The following RALGPS1 variants were observed in gnomAD, a reference collection of about 807,000 sequenced individuals.
RALGPS1 encodes ras-specific guanine nucleotide-releasing factor RalGPS1.
Under a neutral mutation model 78.8 loss-of-function variants are expected in RALGPS1, and 19 were observed. That is an observed-to-expected ratio of 0.24 (90% CI 0.17 to 0.35). The LOEUF (loss-of-function observed/expected upper bound fraction) is 0.35. Ranked by LOEUF, RALGPS1 falls within the 10% of genes least tolerant of loss-of-function variation. The pLI, the probability that RALGPS1 is intolerant of heterozygous loss-of-function variation, is 1.00. For missense variants in RALGPS1, 454 were observed against 688.3 expected (o/e 0.66, Z 3.81); for synonymous variants, 228 against 256.3 (o/e 0.89, Z 1.06).
chr9:127,170,873 C>T (rs1307102425), intron 10 of RALGPS1, among the ~76,000 whole-genome samples: 1 of 152,220 alleles, frequency 6.6e-6, no homozygotes, highest in African/African-American at 2.4e-5. Flanking sequence ...TTCTCACCCC[C>T]GGCCCTCAGA....
intron 7 of RALGPS1, among the ~76,000 whole-genome samples, chr9:127,054,002 A>G (rs2048508255): frequency 6.6e-6 from 1 of 152,152 alleles, no homozygotes; most frequent in Non-Finnish European, 1.5e-5. Context: ...GTGGAGTCCC[A>G]GGGGTTCCTT....
intron 1 of RALGPS1, among the ~76,000 whole-genome samples, chr9:126,922,490 G>A (rs1218591382): frequency 6.6e-6 from 1 of 152,198 alleles, no homozygotes. Flanking sequence ...AAATATTTAT[G>A]GAAAACAAGT....
At chr9:127,060,502 G>A (rs1330685886) in intron 7 of RALGPS1, among the ~76,000 whole-genome samples, 2 of 142,350 alleles carry the variant, frequency 1.4e-5, no homozygotes, top group South Asian at 2.2e-4. Flanking sequence ...GGGTTGGTAA[G>A]TATTACCTGT....
At chr9:126,944,743 T>TA (rs1215553032) in intron 1 of RALGPS1, among the ~76,000 whole-genome samples, 1 of 152,218 alleles carries the variant, frequency 6.6e-6, no homozygotes, top group Non-Finnish European at 1.5e-5. Flanking sequence ...CCACACTGTT[T>TA]ACTGAACTAC....
chr9:126,916,393 A>AC (rs2119421930), intron 1 of RALGPS1, among the ~76,000 whole-genome samples: 1 of 152,164 alleles, frequency 6.6e-6, no homozygotes, highest in South Asian at 2.1e-4. Flanking sequence ...TTAGACCCCA[A>AC]CCCCGGTGAG....
chr9:127,161,357 C>T (rs184798039), intron 8 of RALGPS1, among the ~76,000 whole-genome samples: 25 of 152,340 alleles, frequency 1.6e-4, no homozygotes, highest in East Asian at 1.2e-3. Context: ...TGTAAACCAC[C>T]GTTATTACCC....
chr9:127,201,880 G>A (rs746928571), intron 14 of RALGPS1, among the ~76,000 whole-genome samples: 3 of 152,210 alleles, frequency 2.0e-5, no homozygotes, highest in Non-Finnish European at 2.9e-5. Flanking sequence ...TGCAGATGCC[G>A]TAAGAACACA....
At chr9:127,032,006 G>C (rs2046470209) in intron 4 of RALGPS1, among the ~76,000 whole-genome samples, 1 of 152,196 alleles carries the variant, frequency 6.6e-6, no homozygotes, top group Admixed American at 6.5e-5. Flanking sequence ...AATGGTGTGG[G>C]AAAAAGAAGA....
chr9:127,048,983 T>TGATG (rs1398111624), intron 5 of RALGPS1, among the ~76,000 whole-genome samples: 2 of 152,248 alleles, frequency 1.3e-5, no homozygotes, highest in Non-Finnish European at 2.9e-5. Context: ...ATTTGAAAAG[T>TGATG]GATGGTATTT....
chr9:127,148,870 AG>A (rs1206100531), intron 8 of RALGPS1, among the ~76,000 whole-genome samples: 4 of 152,188 alleles, frequency 2.6e-5, no homozygotes, highest in Non-Finnish European at 4.4e-5. Context: ...GGGATGGCGG[AG>A]GGAGAACACG....
intron 8 of RALGPS1, among the ~76,000 whole-genome samples, chr9:127,101,503 C>T (rs2053724312): frequency 6.6e-6 from 1 of 152,142 alleles, no homozygotes; most frequent in Non-Finnish European, 1.5e-5. Flanking sequence ...GACCCTCCAT[C>T]CTTCACCCTC....
chr9:127,157,291 CCTTA>C (rs1227059568), intron 8 of RALGPS1, among the ~76,000 whole-genome samples: 2 of 152,014 alleles, frequency 1.3e-5, no homozygotes, highest in Non-Finnish European at 2.9e-5. Context: ...TTATATATTT[CCTTA>C]CTTATTTACA....
At chr9:127,008,035 C>T (rs1333625447) in intron 4 of RALGPS1, among the ~76,000 whole-genome samples, 2 of 151,508 alleles carry the variant, frequency 1.3e-5, no homozygotes, top group African/African-American at 4.9e-5. Flanking sequence ...TGTCTAGGTG[C>T]TGTTCTCTGC....
intron 8 of RALGPS1, among the ~76,000 whole-genome samples, chr9:127,111,109 C>T (rs1048927253): frequency 6.6e-6 from 1 of 152,188 alleles, no homozygotes; most frequent in African/African-American, 2.4e-5. Flanking sequence ...CTACGATCAT[C>T]TCCTCCAACC....
At position 127,108,556 on chromosome 9, in the gene RALGPS1, A is replaced by G; in HGVS notation, c.610+39200A>G. On this transcript the variant is annotated intron_variant, in intron 8 of 18. Coordinates refer to ENST00000259351, the MANE Select transcript of RALGPS1 (RefSeq NM_014636.3). ...ACCCGTGACCCGCTGCTGGGGCACA[A>G]TGAAGGTGTAGGTGCACTTGTCCTG... is the stretch of plus-strand genomic sequence containing the variant. 5.0e-6 allele frequency: 8 copies of G among 1,613,422 alleles called. No individual in the cohort carries two copies. Among genetic ancestry groups the G allele is most frequent in the East Asian group, 2.2e-5 (1 of 44,812 alleles).
intron 5 of RALGPS1, among the ~76,000 whole-genome samples, chr9:127,040,894 C>T (rs142988139): frequency 7.2e-5 from 11 of 152,104 alleles, no homozygotes; most frequent in African/African-American, 2.7e-4. Context: ...TATGTCTTGA[C>T]AGCTCTTTTG....
At chr9:127,217,954 T>C (rs2131056415) in intron 18 of RALGPS1, 1 of 152,360 alleles carries the variant, frequency 6.6e-6, no homozygotes, top group Non-Finnish European at 1.5e-5. Context: ...TTTTCCGCTT[T>C]TTTGCTATAG....
chr9:126,990,083 G>A lies in RALGPS1; in HGVS notation c.216+12338G>A, dbSNP rs759179994. ...CAGAAAGCCGAGGTCAATGTTGGAC[G>A]TCGGACAAACCCTGTGTGTCTTTGC... is the stretch of plus-strand genomic sequence containing the variant. On this transcript the variant is annotated intron_variant, in intron 4 of 18. Transcript: ENST00000259351. 102 of 1,468,962 alleles carry A rather than the reference G, an allele frequency of 6.9e-5. No individual in the cohort carries two copies. In the Admixed American group the frequency reaches 7.5e-4, roughly 11 times the overall value. The allele number at this position is 1,468,962 out of a possible 1,614,324, so 91.0% of individuals were successfully genotyped here. A position where few individuals can be genotyped will look rare whatever the true frequency, so the allele number is the denominator to read the frequency against.
At chr9:126,917,482 G>A (rs906442516) in intron 1 of RALGPS1, among the ~76,000 whole-genome samples, 7 of 152,234 alleles carry the variant, frequency 4.6e-5, no homozygotes, top group African/African-American at 7.2e-5. Flanking sequence ...AGTATGGAGG[G>A]TAAGAGCTCA....
Sources: gnomAD v4.1 joint callset for allele counts (sites outside exome capture counted in the v4.1 genomes callset) on GRCh38, gnomAD v4.1.1 for gene constraint, MANE v1.5 for transcripts, NCBI Gene and HGNC (gene_info 2026-07-23, HGNC 2026-07-21) for gene names.